Variants in SLC25A35 observed in about 807,000 individuals in gnomAD.
SLC25A35 encodes the protein solute carrier family 25 member 35, also known as solute carrier family 25, member 35.
In SLC25A35, 32 loss-of-function variants were observed where a neutral mutation model predicts 30.5. The observed-to-expected ratio is 1.05, with a 90% CI of 0.79 to 1.41. SLC25A35 has a LOEUF of 1.41. Ranked by LOEUF, SLC25A35 falls within the 40% of genes most tolerant of loss-of-function variation. The pLI is 0.00. For synonymous variants in SLC25A35, 142 were observed against 158.1 expected (o/e 0.90, Z 0.77); for missense variants, 369 against 388.0 (o/e 0.95, Z 0.41).
Position 8,290,448 on chromosome 17 carries a change from G to A in SLC25A35, c.*57C>T. 6.6e-7 allele frequency: 1 copy of A among 1,521,628 alleles called. No homozygotes were observed. The highest frequency in any genetic ancestry group is 8.8e-7 in the Non-Finnish European group (1 of 1,139,328). The allele number at this position is 1,521,628 out of a possible 1,614,324, so 94.3% of individuals were successfully genotyped here. A position where few individuals can be genotyped will look rare whatever the true frequency, so the allele number is the denominator to read the frequency against. ...TAATCAGTAGTCACCAGGACATAGT[G>A]GTGGAGGCACAAGTGGCCAAGGAGT... On this transcript the variant is annotated 3_prime_UTR_variant, in exon 5 of 5. Coordinates refer to ENST00000577745, the MANE Select transcript of SLC25A35 (RefSeq NM_001320870.2).
At chr17:8,291,821 G>A (rs980564189) in intron 2 of SLC25A35, among the ~76,000 whole-genome samples, 14 of 152,182 alleles carry the variant, frequency 9.2e-5, no homozygotes, top group African/African-American at 3.1e-4. Context: ...AGGCCCAGGC[G>A]GGTGGATCAC....
In SLC25A35 at chr17:8,294,583, C is replaced by T. The variant is rs144042654; in HGVS notation, c.225G>A (p.Leu75=). The T allele has an allele frequency of 2.3e-3, 3,783 of 1,614,180 alleles. 14 individuals are homozygous for T. Among genetic ancestry groups the T allele is most frequent in the Middle Eastern group, 8.4e-3 (51 of 6,062 alleles). The change falls in exon 1 of 5, where the codon CTG becomes CTA. Residue 75 remains leucine, a synonymous_variant. Coordinates refer to ENST00000577745, the MANE Select transcript of SLC25A35 (RefSeq NM_001320870.2). ...GLAPALLYQF[L]MNGIRLGTYG... ...AGGTGCCCAGTCGGATGCCATTCAT[C>T]AGGAACTGGTACAAGAGGGCGGGGG...
rs777037593 is a variant in SLC25A35, at chr17:8,290,671, A to G, written c.737T>C (p.Met246Thr). 6 of 1,580,210 alleles carry G rather than the reference A, an allele frequency of 3.8e-6. No individual in the cohort carries two copies. The highest frequency in any genetic ancestry group is 2.7e-5 in the African/African-American group (2 of 74,486). ...CAGAGCGTCCAGTATCCCCCGGTAC[A>G]TGAGGCCCTGAGAGTGTGTCAGAGA... is the stretch of plus-strand genomic sequence containing the variant. ...QPTDAQGKGLMYRGILDALLQ... is the reference protein window; with the variant it reads ...QPTDAQGKGLTYRGILDALLQ... The change falls in exon 5 of 5, where the codon ATG becomes ACG. Residue 246 changes from methionine to threonine, a missense_variant. Coordinates refer to ENST00000577745, the MANE Select transcript of SLC25A35 (RefSeq NM_001320870.2).
In SLC25A35 at chr17:8,294,997, T is replaced by C. The variant is rs1990767654; in HGVS notation, c.-190A>G. ...TCAAACGTCAGCTGGAATTTGGGAGTCAAGAGCTGGCAAGCAGGGAAGAGA... is the reference window on the plus strand; with the variant it reads ...TCAAACGTCAGCTGGAATTTGGGAGCCAAGAGCTGGCAAGCAGGGAAGAGA... On this transcript the variant is annotated 5_prime_UTR_variant, in exon 1 of 5. Transcript: ENST00000577745. 7.2e-7 allele frequency: 1 copy of C among 1,396,682 alleles called. No homozygotes were observed. Among genetic ancestry groups the C allele is most frequent in the Non-Finnish European group, 9.3e-7 (1 of 1,080,274 alleles). 86.5% of individuals were successfully genotyped at this position (1,396,682 alleles called of 1,614,324 possible).
At chr17:8,288,496 CG>C, downstream of SLC25A35, 3 of 507,420 alleles carry the variant, frequency 5.9e-6, no homozygotes, top group Non-Finnish European at 7.2e-6. Context: ...TCGTGACCAC[CG>C]GGGGCGACAT....
intron 3 of SLC25A35, 27 bp downstream of exon 3, chr17:8,291,304 AAC>A (rs2151615743): frequency 6.2e-7 from 1 of 1,612,110 alleles, no homozygotes; most frequent in East Asian, 2.2e-5. Flanking sequence ...CCCTTCCCGA[AAC>A]AGACCCACCC....
downstream of SLC25A35, chr17:8,288,278 T>C (rs1257423823): frequency 5.5e-6 from 1 of 181,416 alleles, no homozygotes; most frequent in East Asian, 1.5e-4. Context: ...CCCCGCCCCA[T>C]TTCTACAAGT....
chr17:8,294,194 T>C (rs929684324), intron 1 of SLC25A35, among the ~76,000 whole-genome samples: 25 of 152,078 alleles, frequency 1.6e-4, no homozygotes, highest in South Asian at 4.2e-4. Context: ...GGATTACAGG[T>C]GTGAACCACT....
downstream of SLC25A35, chr17:8,288,513 C>T: frequency 1.8e-6 from 1 of 550,544 alleles, no homozygotes; most frequent in Non-Finnish European, 3.3e-6. Context: ...GACATAGACC[C>T]TAACCCTAAG....
chr17:8,295,082 G>C lies in SLC25A35; in HGVS notation c.-275C>G. On this transcript the variant is annotated 5_prime_UTR_variant, in exon 1 of 5. Coordinates refer to ENST00000577745, the MANE Select transcript of SLC25A35 (RefSeq NM_001320870.2). ...GCAGGACCCTCTGAGGTCAAGGAGG[G>C]GCAAAAGACAGAAGGTTGCAGGTGG... 8.4e-7 allele frequency: 1 copy of C among 1,193,980 alleles called. No homozygotes were observed. The highest frequency in any genetic ancestry group is 1.0e-6 in the Non-Finnish European group (1 of 958,758). 74.0% of individuals were successfully genotyped at this position (1,193,980 alleles called of 1,614,324 possible). A position where few individuals can be genotyped will look rare whatever the true frequency, so the allele number is the denominator to read the frequency against.
chr17:8,294,655 G>A lies in SLC25A35; in HGVS notation c.153C>T (p.Ile51=). 6.2e-7 allele frequency: 1 copy of A among 1,614,204 alleles called. No individual in the cohort carries two copies. The highest frequency in any genetic ancestry group is 8.5e-7 in the Non-Finnish European group (1 of 1,180,042). ...CAAGGCCATCCACCTTGCCGATGGTGATGAAGGCATGGAAGACATTTCGGT... is the reference window on the plus strand; with the variant it reads ...CAAGGCCATCCACCTTGCCGATGGTAATGAAGGCATGGAAGACATTTCGGT... ...RHYRNVFHAF[I]TIGKVDGLAA... Residue 51 remains isoleucine, a synonymous_variant, in exon 1 of 5, where the codon ATC becomes ATT. Transcript: ENST00000577745.
chr17:8,289,299 C>T (rs920377013), downstream of SLC25A35: 1 of 1,613,936 alleles, frequency 6.2e-7, no homozygotes, highest in African/African-American at 1.3e-5. Context: ...GGGGCTAGGG[C>T]TGTCCATGTG....
chr17:8,293,316 G>C (rs146864870), intron 1 of SLC25A35, among the ~76,000 whole-genome samples: 3 of 152,026 alleles, frequency 2.0e-5, no homozygotes, highest in African/African-American at 4.8e-5. Flanking sequence ...ACTCTCTGAC[G>C]TATGTTAAAT....
At position 8,294,775 on chromosome 17, in the gene SLC25A35, GCAGGCTGC is replaced by G; in HGVS notation, c.25_32del (p.Ala9ArgfsTer77). 1 of 1,598,886 alleles carries G rather than the reference GCAGGCTGC, an allele frequency of 6.3e-7. No homozygotes were observed. The highest frequency in any genetic ancestry group is 1.1e-5 in the South Asian group (1 of 89,662). On this transcript the variant is annotated frameshift_variant, in exon 1 of 5. Transcript: ENST00000577745. LOFTEE classifies it high-confidence loss of function. ...GGGGATTGGTGAATACACAGGCCCCGCAGGCTGCCAGGCCACTCATCAAGAAGTCCATG... is the reference window on the plus strand; with the variant it reads ...GGGGATTGGTGAATACACAGGCCCCGCAGGCCACTCATCAAGAAGTCCATG...
chr17:8,295,033 GGA>G lies in SLC25A35; in HGVS notation c.-228_-227del. 7.4e-7 allele frequency: 1 copy of G among 1,359,472 alleles called. No individual in the cohort carries two copies. The highest frequency in any genetic ancestry group is 9.5e-7 in the Non-Finnish European group (1 of 1,057,858). The allele number at this position is 1,359,472 out of a possible 1,614,324, so 84.2% of individuals were successfully genotyped here. A position where few individuals can be genotyped will look rare whatever the true frequency, so the allele number is the denominator to read the frequency against. ...CAAGCAGGGAAGAGATAGAAATCTA[GGA>G]GATTCTGGTGAGAAGCTTAAGGCAG... On this transcript the variant is annotated 5_prime_UTR_variant, in exon 1 of 5. Coordinates refer to ENST00000577745, the MANE Select transcript of SLC25A35 (RefSeq NM_001320870.2).
chr17:8,289,490 C>CT, downstream of SLC25A35: 1 of 1,614,188 alleles, frequency 6.2e-7, no homozygotes, highest in Non-Finnish European at 8.5e-7. Flanking sequence ...CATCCTGACT[C>CT]TGATCCCCTT....
intron 2 of SLC25A35, 73 bp downstream of exon 2, chr17:8,292,450 T>C: frequency 6.9e-7 from 1 of 1,452,430 alleles, no homozygotes. Context: ...ATTGGATCTG[T>C]TGGGTGCAGG....
intron 1 of SLC25A35, 129 bp from the exon 2 acceptor site, chr17:8,292,717 T>C: frequency 2.6e-6 from 2 of 783,972 alleles, no homozygotes. Flanking sequence ...TGATTATTGT[T>C]CTTCCTACTT....
intron 2 of SLC25A35, 119 bp downstream of exon 2, chr17:8,292,404 G>T: frequency 1.0e-6 from 1 of 1,000,628 alleles, no homozygotes; most frequent in Non-Finnish European, 1.6e-6. Flanking sequence ...GGCAAAATGG[G>T]ACAGAACCGA....
Sources: gnomAD v4.1 joint callset for allele counts (sites outside exome capture counted in the v4.1 genomes callset) on GRCh38, gnomAD v4.1.1 for gene constraint, MANE v1.5 for transcripts, NCBI Gene and HGNC (gene_info 2026-07-23, HGNC 2026-07-21) for gene names.